Variants in NALF1 observed in about 807,000 individuals in gnomAD.
NALF1 encodes the protein family with sequence similarity 155 member A.
In NALF1, 3 loss-of-function variants were observed where a neutral mutation model predicts 48.4. That is an observed-to-expected ratio of 0.06 (90% CI 0.03 to 0.16). NALF1 has a LOEUF of 0.16. Ranked by LOEUF, NALF1 falls within the 10% of genes least tolerant of loss-of-function variation. The pLI is 1.00. For missense variants in NALF1, 526 were observed against 571.5 expected (o/e 0.92, Z 0.81); for synonymous variants, 262 against 245.7 (o/e 1.07, Z -0.62).
intron 2 of NALF1, among the ~76,000 whole-genome samples, chr13:107,175,840 G>C (rs1446812919): frequency 6.6e-6 from 1 of 152,114 alleles, no homozygotes; most frequent in African/African-American, 2.4e-5. Context: ...TAGCAGTCTT[G>C]ACCTATTTCT....
intron 1 of NALF1, among the ~76,000 whole-genome samples, chr13:107,311,367 G>T (rs1011640156): frequency 6.6e-6 from 1 of 152,022 alleles, no homozygotes; most frequent in African/African-American, 2.4e-5. Context: ...GATTGATATT[G>T]CTTCTTTAAT....
intron 1 of NALF1, among the ~76,000 whole-genome samples, chr13:107,234,037 G>A (rs2138827829): frequency 6.6e-6 from 1 of 152,248 alleles, no homozygotes; most frequent in East Asian, 1.9e-4. Context: ...GAAAAACCTT[G>A]GATTTTCCAG....
Position 107,166,302 on chromosome 13 carries a change from C to G in NALF1, c.*4195G>C, listed in dbSNP as rs1878657687. The G allele has an allele frequency of 6.6e-6, 1 of 152,142 alleles. No individual in the cohort carries two copies. The highest frequency in any genetic ancestry group is 1.5e-5 in the Non-Finnish European group (1 of 68,086). 9.4% of individuals were successfully genotyped at this position (152,142 alleles called of 1,614,324 possible). ...GGCGTGGTGGCACAAGCCTGTAGTC[C>G]CAGCTACTCGAGAGGCTTGAGGCAG... On this transcript the variant is annotated 3_prime_UTR_variant, in exon 3 of 3. Coordinates refer to ENST00000375915, the MANE Select transcript of NALF1 (RefSeq NM_001080396.3).
At chr13:107,333,303 G>A (rs528148768) in intron 1 of NALF1, among the ~76,000 whole-genome samples, 1 of 152,258 alleles carries the variant, frequency 6.6e-6, no homozygotes. Flanking sequence ...GAATTCTTGG[G>A]CTTAGGAATA....
chr13:107,743,684 T>G (rs530478966), intron 1 of NALF1, among the ~76,000 whole-genome samples: 2 of 152,332 alleles, frequency 1.3e-5, no homozygotes, highest in South Asian at 4.1e-4. Flanking sequence ...AGGATATTCC[T>G]CACAGAGTAA....
chr13:107,446,042 GA>G (rs1300842120), intron 1 of NALF1, among the ~76,000 whole-genome samples: 1 of 151,962 alleles, frequency 6.6e-6, no homozygotes, highest in Admixed American at 6.6e-5. Flanking sequence ...GGGTTCAAGC[GA>G]TTCTCCTGCC....
chr13:107,623,069 A>G (rs1343052510), intron 1 of NALF1, among the ~76,000 whole-genome samples: 1 of 152,190 alleles, frequency 6.6e-6, no homozygotes, highest in East Asian at 1.9e-4. Context: ...GAATGTCATG[A>G]GTTCTCATCC....
chr13:107,717,063 C>T (rs925770478), intron 1 of NALF1, among the ~76,000 whole-genome samples: 1 of 152,172 alleles, frequency 6.6e-6, no homozygotes, highest in Admixed American at 6.5e-5. Context: ...TTCAACTGTC[C>T]TCAAAGCTCA....
chr13:107,301,887 C>T (rs1315686280), intron 1 of NALF1, among the ~76,000 whole-genome samples: 1 of 152,120 alleles, frequency 6.6e-6, no homozygotes, highest in East Asian at 1.9e-4. Context: ...CCAAGAACAA[C>T]TAGAAAAGCT....
intron 1 of NALF1, among the ~76,000 whole-genome samples, chr13:107,675,261 T>A (rs954443283): frequency 6.6e-6 from 1 of 152,168 alleles, no homozygotes; most frequent in African/African-American, 2.4e-5. Flanking sequence ...ATCAGCAGGT[T>A]TGAGCTTGCC....
At chr13:107,203,451 G>A (rs1291830887) in intron 2 of NALF1, among the ~76,000 whole-genome samples, 2 of 152,212 alleles carry the variant, frequency 1.3e-5, no homozygotes, top group Admixed American at 6.5e-5. Flanking sequence ...AGGGCAGTGC[G>A]CATAGTCTGG....
At chr13:107,602,559 T>C (rs369324419) in intron 1 of NALF1, among the ~76,000 whole-genome samples, 1 of 152,244 alleles carries the variant, frequency 6.6e-6, no homozygotes, top group African/African-American at 2.4e-5. Flanking sequence ...CAGGTATTTA[T>C]ATCATGGTGA....
chr13:107,309,978 T>A (rs1009940902), intron 1 of NALF1, among the ~76,000 whole-genome samples: 3 of 152,222 alleles, frequency 2.0e-5, no homozygotes, highest in Non-Finnish European at 2.9e-5. Flanking sequence ...AATACTCTGA[T>A]GTATTAGCTC....
chr13:107,798,249 T>G (rs929312959), intron 1 of NALF1, among the ~76,000 whole-genome samples: 3 of 152,220 alleles, frequency 2.0e-5, no homozygotes, highest in African/African-American at 7.2e-5. Flanking sequence ...GTCCTTTGCA[T>G]GCAAAATTAC....
At chr13:107,507,210 T>TA (rs1875724601) in intron 1 of NALF1, among the ~76,000 whole-genome samples, 1 of 152,058 alleles carries the variant, frequency 6.6e-6, no homozygotes, top group Non-Finnish European at 1.5e-5. Flanking sequence ...TGACCTAGGT[T>TA]AGGCATTTTA....
intron 2 of NALF1, among the ~76,000 whole-genome samples, chr13:107,182,255 T>TCC (rs1296600961): frequency 0.49 from 64,965 of 131,492 alleles, 14,748 homozygotes; most frequent in Middle Eastern, 0.59. Context: ...TGTGTGTCCG[T>TCC]GTGTGTGTGT....
intron 1 of NALF1, among the ~76,000 whole-genome samples, chr13:107,310,739 G>A (rs772621739): frequency 4.6e-5 from 7 of 152,032 alleles, no homozygotes; most frequent in East Asian, 3.9e-4. Context: ...GTACAGTAGC[G>A]TGATCTTGGC....
At chr13:107,174,868 A>T (rs1369753323) in intron 2 of NALF1, among the ~76,000 whole-genome samples, 2 of 150,784 alleles carry the variant, frequency 1.3e-5, no homozygotes, top group African/African-American at 4.9e-5. Context: ...TGCTCAGATC[A>T]ACAATCTTTT....
intron 1 of NALF1, among the ~76,000 whole-genome samples, chr13:107,285,803 G>C (rs1881481893): frequency 6.6e-6 from 1 of 152,072 alleles, no homozygotes; most frequent in Admixed American, 6.6e-5. Flanking sequence ...AGGGGGCTGA[G>C]AGAGAGTCAA....
Sources: allele counts gnomAD v4.1 joint callset (sites outside exome capture counted in the v4.1 genomes callset), GRCh38; gene constraint gnomAD v4.1.1; transcripts MANE v1.5; gene names NCBI Gene and HGNC (gene_info 2026-07-23, HGNC 2026-07-21).